Variants in CATSPERE observed in about 807,000 individuals in gnomAD.
CATSPERE encodes the protein cation channel sperm-associated auxiliary subunit epsilon.
CATSPERE carries 93 observed loss-of-function variants against 114.1 expected under a neutral mutation model. The observed-to-expected ratio is 0.81, with a 90% CI of 0.69 to 0.97. The LOEUF (loss-of-function observed/expected upper bound fraction) is 0.97, where lower values mean the gene tolerates loss of function less well. Among genes scored for constraint, CATSPERE ranks in the 50% least tolerant of loss-of-function variants. The pLI is 0.00. For missense variants in CATSPERE, 1,058 were observed against 1,131.6 expected, an observed-to-expected ratio of 0.93 and a Z score of 0.93; for synonymous variants, 341 against 384.1, an observed-to-expected ratio of 0.89 and a Z score of 1.31.
intron 8 of CATSPERE, among the ~76,000 whole-genome samples, chr1:244,543,306 A>G (rs1465937379): frequency 2.0e-5 from 3 of 152,186 alleles, no homozygotes; most frequent in Admixed American, 6.5e-5. Context: ...TCAGCCTTCT[A>G]AAAAGAAGGA....
intron 10 of CATSPERE, among the ~76,000 whole-genome samples, chr1:244,571,792 G>A (rs1664502609): frequency 6.6e-6 from 1 of 152,074 alleles, no homozygotes; most frequent in Non-Finnish European, 1.5e-5. Context: ...TCGCCGTCTT[G>A]CTGTGTCCTC....
chr1:244,496,954 A>G (rs186134666), intron 6 of CATSPERE, among the ~76,000 whole-genome samples: 86 of 152,362 alleles, frequency 5.6e-4, no homozygotes, highest in African/African-American at 2.0e-3. Context: ...CAATGAAGGT[A>G]GCATCTCAAA....
chr1:244,571,362 A>G (rs963508035), intron 10 of CATSPERE, among the ~76,000 whole-genome samples: 1 of 152,194 alleles, frequency 6.6e-6, no homozygotes, highest in African/African-American at 2.4e-5. Context: ...TTGTCTTTTG[A>G]CAAAGTATAT....
intron 2 of CATSPERE, among the ~76,000 whole-genome samples, chr1:244,476,068 A>G (rs1341848823): frequency 1.3e-5 from 2 of 152,224 alleles, no homozygotes; most frequent in Admixed American, 1.3e-4. Flanking sequence ...AAGATTGGTT[A>G]CAACTTTCCT....
chr1:244,627,154 A>G (rs1673301188), intron 20 of CATSPERE, among the ~76,000 whole-genome samples: 2 of 152,116 alleles, frequency 1.3e-5, no homozygotes, highest in Non-Finnish European at 1.5e-5. Context: ...GGCTGAGGGG[A>G]GAGATGCGGG....
chr1:244,501,740 G>C (rs1674066032), intron 7 of CATSPERE, among the ~76,000 whole-genome samples: 1 of 152,116 alleles, frequency 6.6e-6, no homozygotes, highest in Admixed American at 6.5e-5. Context: ...CTTTTCATCT[G>C]CACATTTATC....
intron 8 of CATSPERE, among the ~76,000 whole-genome samples, chr1:244,534,488 T>A (rs2148431348): frequency 6.6e-6 from 1 of 152,324 alleles, no homozygotes; most frequent in Admixed American, 6.5e-5. Context: ...TGATTGTGTA[T>A]TTTCAAATAG....
intron 8 of CATSPERE, among the ~76,000 whole-genome samples, chr1:244,545,586 CATCCTTGGATA>C (rs1182759693): frequency 6.6e-6 from 1 of 152,212 alleles, no homozygotes; most frequent in Non-Finnish European, 1.5e-5. Context: ...GCCCTTTCAT[CATCCTTGGATA>C]ACTATTCTCC....
upstream of CATSPERE, chr1:244,452,048 C>T (rs1400942539): frequency 5.3e-6 from 2 of 380,788 alleles, no homozygotes; most frequent in African/African-American, 2.1e-5. Flanking sequence ...GGCAGCACCG[C>T]CCGCAGGAAG....
intron 10 of CATSPERE, among the ~76,000 whole-genome samples, chr1:244,565,631 T>C (rs1237945000): frequency 1.3e-5 from 2 of 152,188 alleles, no homozygotes; most frequent in Non-Finnish European, 2.9e-5. Flanking sequence ...GGTTCTTCTC[T>C]CCTTTCTTCT....
At chr1:244,544,352 G>A (rs1659381773) in intron 8 of CATSPERE, among the ~76,000 whole-genome samples, 1 of 152,098 alleles carries the variant, frequency 6.6e-6, no homozygotes, top group Non-Finnish European at 1.5e-5. Context: ...TGTCACCATG[G>A]GCCTCTATCA....
At chr1:244,494,299 G>A (rs999060607) in intron 6 of CATSPERE, among the ~76,000 whole-genome samples, 13 of 151,910 alleles carry the variant, frequency 8.6e-5, no homozygotes, top group Non-Finnish European at 1.9e-4. Context: ...CATGTCCTTT[G>A]TAGGGACATG....
chr1:244,471,539 T>G (rs1668478034), intron 2 of CATSPERE, among the ~76,000 whole-genome samples: 1 of 152,208 alleles, frequency 6.6e-6, no homozygotes, highest in African/African-American at 2.4e-5. Flanking sequence ...GCAGTCATGC[T>G]TTACCTTCCC....
chr1:244,625,618 G>T (rs910941979), intron 20 of CATSPERE, among the ~76,000 whole-genome samples: 5 of 147,038 alleles, frequency 3.4e-5, no homozygotes, highest in African/African-American at 1.3e-4. Context: ...TAGTAGAGAC[G>T]GGGTTTCACC....
intron 7 of CATSPERE, among the ~76,000 whole-genome samples, chr1:244,517,979 G>A (rs1381333475): frequency 2.0e-5 from 3 of 152,126 alleles, no homozygotes; most frequent in Admixed American, 6.5e-5. Flanking sequence ...AGTATTAGAG[G>A]ATTAGGATAG....
At chr1:244,462,346 G>A (rs200205462) in intron 1 of CATSPERE, among the ~76,000 whole-genome samples, 5 of 152,136 alleles carry the variant, frequency 3.3e-5, no homozygotes, top group Admixed American at 3.3e-4. Context: ...AGGATGAAAA[G>A]GTATTATCGT....
At chr1:244,519,205 A>G (rs3003271) in intron 8 of CATSPERE, among the ~76,000 whole-genome samples, 20,273 of 152,194 alleles carry the variant, frequency 0.13, 2,386 homozygotes, top group African/African-American at 0.32. Context: ...CATTTAGTGC[A>G]AGAGACAAAC....
intron 17 of CATSPERE, chr1:244,598,646 C>A: frequency 3.3e-6 from 1 of 306,388 alleles, no homozygotes; most frequent in South Asian, 2.9e-5. Context: ...ACTGGACACA[C>A]TTCTAAACAA....
intron 10 of CATSPERE, among the ~76,000 whole-genome samples, chr1:244,571,595 C>A (rs936575681): frequency 2.0e-5 from 3 of 152,214 alleles, no homozygotes; most frequent in African/African-American, 7.2e-5. Context: ...CTCTCACCCC[C>A]ACTCACCTCC....
Sources: gnomAD v4.1 joint callset for allele counts (sites outside exome capture counted in the v4.1 genomes callset) on GRCh38, gnomAD v4.1.1 for gene constraint, MANE v1.5 for transcripts, NCBI Gene and HGNC (gene_info 2026-07-23, HGNC 2026-07-21) for gene names.